The following ZNF804A variants were observed in gnomAD, a reference collection of about 807,000 sequenced individuals.
ZNF804A encodes zinc finger protein 804A.
In ZNF804A, 2 loss-of-function variants were observed where a neutral mutation model predicts 16.5. The ratio of observed to expected loss-of-function variants is 0.12; its 90% CI spans 0.05 to 0.38. The LOEUF (loss-of-function observed/expected upper bound fraction) is 0.38. ZNF804A is among the 10% of genes least tolerant of loss of function. The probability of loss-of-function intolerance (pLI) is 0.99; values close to 1 mark genes in which losing one functional copy is unlikely to be tolerated. For missense variants in ZNF804A, 1,473 were observed against 1,390.7 expected, an observed-to-expected ratio of 1.06 and a Z score of -0.94; for synonymous variants, 534 against 489.6, an observed-to-expected ratio of 1.09 and a Z score of -1.20.
At chr2:184,684,830 T>C (rs1366359302) in intron 1 of ZNF804A, among the ~76,000 whole-genome samples, 1 of 152,172 alleles carries the variant, frequency 6.6e-6, no homozygotes, top group African/African-American at 2.4e-5. Context: ...GTTCCTGAAT[T>C]AATTTGCTTG....
At chr2:184,777,766 T>C (rs1010513074) in intron 1 of ZNF804A, among the ~76,000 whole-genome samples, 1 of 151,636 alleles carries the variant, frequency 6.6e-6, no homozygotes, top group Non-Finnish European at 1.5e-5. Context: ...ATGTGTTTAG[T>C]GGGTTGTTTG....
intron 1 of ZNF804A, among the ~76,000 whole-genome samples, chr2:184,830,245 A>G (rs939876370): frequency 6.6e-6 from 1 of 152,164 alleles, no homozygotes; most frequent in Admixed American, 6.6e-5. Flanking sequence ...TTCAGATTCT[A>G]TTTACTCATA....
At chr2:184,617,751 GATTA>G (rs1385768613) in intron 1 of ZNF804A, among the ~76,000 whole-genome samples, 5 of 151,336 alleles carry the variant, frequency 3.3e-5, no homozygotes, top group South Asian at 2.1e-4. Context: ...AAACACCTTT[GATTA>G]ATCTTCTCTA....
At chr2:184,728,053 G>T (rs949974434) in intron 1 of ZNF804A, among the ~76,000 whole-genome samples, 3 of 151,652 alleles carry the variant, frequency 2.0e-5, no homozygotes, top group Admixed American at 2.0e-4. Context: ...GCAGTCAGAT[G>T]ACCCATACCT....
At chr2:184,713,599 C>A (rs1029758473) in intron 1 of ZNF804A, among the ~76,000 whole-genome samples, 4 of 151,782 alleles carry the variant, frequency 2.6e-5, no homozygotes, top group Admixed American at 6.6e-5. Flanking sequence ...GTGCCATATA[C>A]CAACATGTAC....
At chr2:184,827,535 G>A (rs1433432513) in intron 1 of ZNF804A, among the ~76,000 whole-genome samples, 2 of 147,706 alleles carry the variant, frequency 1.4e-5, no homozygotes, top group African/African-American at 4.9e-5. Flanking sequence ...ATTATAATAT[G>A]TAGTAGTAAC....
chr2:184,821,737 T>A (rs988260687), intron 1 of ZNF804A, among the ~76,000 whole-genome samples: 1 of 151,780 alleles, frequency 6.6e-6, no homozygotes, highest in Admixed American at 6.6e-5. Flanking sequence ...ACAACCATAT[T>A]AAAAAGTGGG....
At chr2:184,626,853 T>C (rs1691510850) in intron 1 of ZNF804A, among the ~76,000 whole-genome samples, 1 of 152,206 alleles carries the variant, frequency 6.6e-6, no homozygotes, top group Admixed American at 6.5e-5. Context: ...TTATAACAAT[T>C]GGGATGGGTA....
At chr2:184,759,945 C>G (rs1341347882) in intron 1 of ZNF804A, among the ~76,000 whole-genome samples, 1 of 152,134 alleles carries the variant, frequency 6.6e-6, no homozygotes, top group Admixed American at 6.6e-5. Context: ...CCCACCTGCA[C>G]CCAGGTGAAA....
intron 2 of ZNF804A, among the ~76,000 whole-genome samples, chr2:184,931,012 G>A (rs1685689726): frequency 6.6e-6 from 1 of 152,212 alleles, no homozygotes; most frequent in Non-Finnish European, 1.5e-5. Flanking sequence ...CATGTCTTAT[G>A]TGGTAGCAGG....
At position 184,619,139 on chromosome 2, in the gene ZNF804A, T is replaced by A. The variant is rs867515917; in HGVS notation, c.111+20069T>A. Among the ~76,000 whole-genome samples the A allele has an allele frequency of 2.0e-5, 3 of 152,166 alleles. No homozygotes were observed. In the South Asian group the frequency reaches 6.2e-4, roughly 32 times the overall value. On this transcript the variant is annotated intron_variant, in intron 1 of 3. Coordinates refer to ENST00000302277, the MANE Select transcript of ZNF804A (RefSeq NM_194250.2). ...GGAGCCTGTGAGCAGACGTTTGGTG[T>A]GATTTGTAAAGAGGTTTCTTATTCT...
At position 184,933,495 on chromosome 2, in the gene ZNF804A, C is replaced by T. The variant is rs916838879; in HGVS notation, c.256-108C>T. ...TGTCATGAATGTTGTGTTTACCTCT[C>T]GACAAGGTCAAAGATGATGCATTGG... On this transcript the variant is annotated intron_variant, in intron 2 of 3. Transcript: ENST00000302277. 58 of 1,051,664 alleles carry T rather than the reference C, an allele frequency of 5.5e-5. No individual in the cohort carries two copies. In the East Asian group the frequency reaches 5.7e-4, roughly 10 times the overall value. 65.1% of individuals were successfully genotyped at this position (1,051,664 alleles called of 1,614,324 possible).
intron 1 of ZNF804A, among the ~76,000 whole-genome samples, chr2:184,756,867 T>C (rs139353145): frequency 6.6e-6 from 1 of 152,196 alleles, no homozygotes; most frequent in African/African-American, 2.4e-5. Context: ...CTTTTATAAC[T>C]GATATGTTGA....
intron 1 of ZNF804A, among the ~76,000 whole-genome samples, chr2:184,633,415 C>T (rs747272763): frequency 2.0e-5 from 3 of 152,074 alleles, no homozygotes; most frequent in Non-Finnish European, 4.4e-5. Context: ...TGCTCTATTT[C>T]CCACCAGGCA....
At chr2:184,783,104 T>C (rs1574210286) in intron 1 of ZNF804A, among the ~76,000 whole-genome samples, 2 of 149,494 alleles carry the variant, frequency 1.3e-5, no homozygotes, top group Admixed American at 1.3e-4. Flanking sequence ...TAAAATAATT[T>C]TTCAATTAAA....
chr2:184,599,207 T>G, intron 1 of ZNF804A, 137 bp downstream of exon 1: 2 of 699,256 alleles, frequency 2.9e-6, no homozygotes, highest in Non-Finnish European at 2.4e-6. Flanking sequence ...GGGTGAGAAT[T>G]GGGTGTAGAA....
chr2:184,768,583 A>G (rs990705540), intron 1 of ZNF804A, among the ~76,000 whole-genome samples: 1 of 152,026 alleles, frequency 6.6e-6, no homozygotes, highest in Non-Finnish European at 1.5e-5. Flanking sequence ...CAGTAGGTTT[A>G]AAGTGGGGTC....
At chr2:184,732,982 A>G (rs1205380113) in intron 1 of ZNF804A, among the ~76,000 whole-genome samples, 2 of 152,156 alleles carry the variant, frequency 1.3e-5, no homozygotes, top group South Asian at 2.1e-4. Context: ...GTGAACAAAG[A>G]CAGTGTTACA....
chr2:184,722,246 G>C (rs1347514900), intron 1 of ZNF804A, among the ~76,000 whole-genome samples: 1 of 151,948 alleles, frequency 6.6e-6, no homozygotes, highest in Non-Finnish European at 1.5e-5. Flanking sequence ...AATAATTTAA[G>C]AGTTGCTTAG....
Sources: gnomAD v4.1 joint callset for allele counts (sites outside exome capture counted in the v4.1 genomes callset) on GRCh38, gnomAD v4.1.1 for gene constraint, MANE v1.5 for transcripts, NCBI Gene and HGNC (gene_info 2026-07-23, HGNC 2026-07-21) for gene names.